The following BRCA1 variants were observed in gnomAD, a reference collection of about 807,000 sequenced individuals.
BRCA1 encodes the protein BRCA1 DNA repair associated, also known as breast cancer type 1 susceptibility protein.
BRCA1 carries 140 observed loss-of-function variants against 173.7 expected under a neutral mutation model. The observed-to-expected ratio is 0.81, with a 90% CI of 0.70 to 0.93. BRCA1 has a LOEUF of 0.93. Ranked by LOEUF, BRCA1 falls within the 40% of genes least tolerant of loss-of-function variation. The probability of loss-of-function intolerance (pLI) is 0.00; values close to 1 mark genes in which losing one functional copy is unlikely to be tolerated. For missense variants in BRCA1, 1,983 were observed against 2,172.5 expected, an observed-to-expected ratio of 0.91 and a Z score of 1.73; for synonymous variants, 662 against 756.0, an observed-to-expected ratio of 0.88 and a Z score of 2.04.
Position 43,148,975 on chromosome 17 carries a change from G to T in BRCA1, c.-20+21151C>A, listed in dbSNP as rs192166763. 2.7e-3 allele frequency among the ~76,000 whole-genome samples: 409 copies of T among 152,048 alleles called. 1 individual carries two copies. The highest frequency in any genetic ancestry group is 9.2e-3 in the African/African-American group (383 of 41,440). ...TCAGTCATCCTTGATATTTTGCGGG[G>T]GACTGGTTCTAGGATACTGCCCCCA... On this transcript the variant is annotated intron_variant, in intron 1 of 7. Coordinates refer to the BRCA1 transcript ENST00000634433.
Position 43,145,107 on chromosome 17 carries a change from A to C in BRCA1, c.-19-20992T>G. ...GATAAATTTTCAGACACAAAAGTGC[A>C]AAAAAAGGGAAAAGGGGAGCAAAGG... On this transcript the variant is annotated intron_variant, in intron 1 of 7. Coordinates refer to the BRCA1 transcript ENST00000634433. 5.6e-6 allele frequency: 4 copies of C among 719,080 alleles called. No individual in the cohort carries two copies. The Admixed American group carries it at 7.2e-5, about 13-fold the overall frequency. The allele number at this position is 719,080 out of a possible 1,614,324, so 44.5% of individuals were successfully genotyped here.
At chr17:43,168,288 C>T (rs1429338598) in intron 1 of BRCA1, 3 of 380,526 alleles carry the variant, frequency 7.9e-6, no homozygotes, top group Non-Finnish European at 1.6e-5. Flanking sequence ...ATTAGAAAAA[C>T]ATGTATCTTT....
At chr17:43,067,523 C>T (rs957814365) in intron 16 of BRCA1, 85 bp downstream of exon 16, 23 of 1,123,004 alleles carry the variant, frequency 2.0e-5, no homozygotes, top group African/African-American at 3.1e-5. Context: ...CAAAGTGCTG[C>T]GATTACAGGC....
At chr17:43,062,705 C>T (rs1437893299) in intron 18 of BRCA1, among the ~76,000 whole-genome samples, 2 of 152,056 alleles carry the variant, frequency 1.3e-5, no homozygotes, top group Non-Finnish European at 2.9e-5. Flanking sequence ...TCAAGAGATT[C>T]TCCTGCCTCA....
At chr17:43,062,892 C>T (rs1045448938) in intron 18 of BRCA1, among the ~76,000 whole-genome samples, 3 of 151,640 alleles carry the variant, frequency 2.0e-5, no homozygotes, top group Admixed American at 6.6e-5. Context: ...CCACTGCACC[C>T]GATTTTTTTT....
chr17:43,067,890 T>TTA (rs772731581), intron 15 of BRCA1, among the ~76,000 whole-genome samples, 195 bp from the exon 16 acceptor site: 1 of 50,110 alleles, frequency 2.0e-5, no homozygotes, highest in Admixed American at 3.4e-4. Context: ...AGGCTGGAGG[T>TTA]AAAAAAAAAA....
chr17:43,099,523 G>A (rs2054279228), intron 7 of BRCA1, among the ~76,000 whole-genome samples: 1 of 151,830 alleles, frequency 6.6e-6, no homozygotes, highest in African/African-American at 2.4e-5. Context: ...CACCCACTTT[G>A]GCCTCCCAAA....
intron 12 of BRCA1, among the ~76,000 whole-genome samples, chr17:43,079,151 G>T (rs1435432335): frequency 6.6e-6 from 1 of 152,096 alleles, no homozygotes; most frequent in East Asian, 1.9e-4. Context: ...TCCAGCCTGG[G>T]CAACAAAAGT....
intron 12 of BRCA1, among the ~76,000 whole-genome samples, chr17:43,078,652 A>G (rs894838356): frequency 3.9e-5 from 6 of 152,206 alleles, no homozygotes; most frequent in East Asian, 3.8e-4. Flanking sequence ...TTTTTAAGAC[A>G]CTGGGTAGCC....
chr17:43,137,568 C>T (rs1380658100), intron 1 of BRCA1, among the ~76,000 whole-genome samples: 1 of 151,994 alleles, frequency 6.6e-6, no homozygotes, highest in Admixed American at 6.6e-5. Flanking sequence ...GCTCGAGATC[C>T]ACAGGTGTAT....
intron 18 of BRCA1, among the ~76,000 whole-genome samples, chr17:43,058,019 CAAAAAAAAAAAAAA>C (rs68106056): frequency 2.9e-5 from 1 of 34,496 alleles, no homozygotes; most frequent in African/African-American, 1.0e-4. Context: ...AACTCTGTCT[CAAAAAAAAAAAAAA>C]AAAAAAAAAA....
chr17:43,149,670 T>C (rs559849279), intron 1 of BRCA1, among the ~76,000 whole-genome samples: 1 of 152,364 alleles, frequency 6.6e-6, no homozygotes, highest in East Asian at 1.9e-4. Context: ...GTATCAATAC[T>C]AGCTTTAGGG....
intron 1 of BRCA1, among the ~76,000 whole-genome samples, chr17:43,157,372 G>A (rs1597944957): frequency 6.6e-6 from 1 of 152,170 alleles, no homozygotes; most frequent in Non-Finnish European, 1.5e-5. Flanking sequence ...CATCCTAGAA[G>A]TTTCCATACA....
At position 43,099,929 on chromosome 17, in the gene BRCA1, G is replaced by A. The variant is rs763155937; in HGVS notation, c.442-49C>T. On this transcript the variant is annotated intron_variant, in intron 6 of 22. Coordinates refer to ENST00000357654, the MANE Select transcript of BRCA1 (RefSeq NM_007294.4). ...TCAAGCAATTGTTGGCCAGTTCTGT[G>A]CTTTTCCTCCTGAAGAGAAACTTGA... 3 of 1,414,896 alleles carry A rather than the reference G, an allele frequency of 2.1e-6. No homozygotes were observed. The Admixed American group carries it at 5.0e-5, about 24-fold the overall frequency. 87.6% of individuals were successfully genotyped at this position (1,414,896 alleles called of 1,614,324 possible). A position where few individuals can be genotyped will look rare whatever the true frequency, so the allele number is the denominator to read the frequency against.
chr17:43,062,283 C>T (rs1250993053), intron 18 of BRCA1, among the ~76,000 whole-genome samples: 1 of 152,036 alleles, frequency 6.6e-6, no homozygotes, highest in African/African-American at 2.4e-5. Context: ...TTTGTGGAGA[C>T]AGAGTCTCAC....
At chr17:43,052,863 A>C (rs889816233) in intron 19 of BRCA1, among the ~76,000 whole-genome samples, 1 of 149,362 alleles carries the variant, frequency 6.7e-6, no homozygotes, top group Non-Finnish European at 1.5e-5. Context: ...AAATGGCAGT[A>C]GGACAAGTCT....
chr17:43,119,131 G>C (rs534188700), intron 2 of BRCA1: 157 of 215,454 alleles, frequency 7.3e-4, no homozygotes, highest in African/African-American at 3.4e-3. Flanking sequence ...CTGGCAGTGT[G>C]ACAAGAATGT....
chr17:43,049,968 A>G (rs958099608), intron 20 of BRCA1: 1 of 398,064 alleles, frequency 2.5e-6, no homozygotes, highest in African/African-American at 2.1e-5. Context: ...CCACTATACC[A>G]AAGTAAAAAA....
At chr17:43,091,101 T>C in intron 10 of BRCA1, 69 bp from the exon 11 acceptor site, 1 of 1,378,278 alleles carries the variant, frequency 7.3e-7, no homozygotes, top group Non-Finnish European at 1.0e-6. Flanking sequence ...CTGTGTCTTT[T>C]TCTTCTCATT....
Sources: gnomAD v4.1 joint callset for allele counts (sites outside exome capture counted in the v4.1 genomes callset) on GRCh38, gnomAD v4.1.1 for gene constraint, MANE v1.5 for transcripts, NCBI Gene and HGNC (gene_info 2026-07-23, HGNC 2026-07-21) for gene names.